MAML3: variants seen among roughly 807,000 people sequenced by gnomAD.
The protein encoded by MAML3 is mastermind-like protein 3.
MAML3 carries 27 observed loss-of-function variants against 101.9 expected under a neutral mutation model. That is an observed-to-expected ratio of 0.27 (90% CI 0.20 to 0.37). MAML3 has a LOEUF of 0.37. Among genes scored for constraint, MAML3 ranks in the 10% least tolerant of loss-of-function variants. The pLI, the probability that MAML3 is intolerant of heterozygous loss-of-function variation, is 1.00. For missense variants in MAML3, 1,316 were observed against 1,444.9 expected, an observed-to-expected ratio of 0.91 and a Z score of 1.45; for synonymous variants, 501 against 555.9, an observed-to-expected ratio of 0.90 and a Z score of 1.39.
intron 1 of MAML3, among the ~76,000 whole-genome samples, chr4:139,930,329 TTG>T (rs1164877801): frequency 6.6e-6 from 1 of 152,036 alleles, no homozygotes; most frequent in African/African-American, 2.4e-5. Context: ...CAGGCAGAGT[TTG>T]TGAGCAGAGT....
intron 1 of MAML3, among the ~76,000 whole-genome samples, chr4:140,045,097 T>TA (rs1727160099): frequency 6.6e-6 from 1 of 152,306 alleles, no homozygotes. Context: ...TAATGTATTT[T>TA]TAAAAAACAG....
rs28412088 is a variant in MAML3, at chr4:139,852,479, C to G, written c.2079+36878G>C. On this transcript the variant is annotated intron_variant, in intron 2 of 4. Coordinates refer to ENST00000509479, the MANE Select transcript of MAML3 (RefSeq NM_018717.5). ...CCAGGCTAGAGTGCAGTGGTGAGAT[C>G]TTGGCTCACTGCAACCTCTGCTTCC... Among the ~76,000 whole-genome samples the G allele has an allele frequency of 2.9e-3, 352 of 122,384 alleles. No individual in the cohort carries two copies. In the Middle Eastern group the frequency reaches 0.036, roughly 13 times the overall value. 80.3% of individuals were successfully genotyped at this position (122,384 alleles called of 152,430 possible).
intron 2 of MAML3, among the ~76,000 whole-genome samples, chr4:139,739,413 C>CT (rs1333657573): frequency 4.6e-5 from 7 of 152,184 alleles, no homozygotes; most frequent in Admixed American, 4.6e-4. Context: ...GGAAACACAA[C>CT]TTTGAGAGTT....
chr4:139,845,291 G>T (rs183836092), intron 2 of MAML3, among the ~76,000 whole-genome samples: 1 of 152,280 alleles, frequency 6.6e-6, no homozygotes, highest in East Asian at 1.9e-4. Context: ...ATTAGACAGA[G>T]TACACAGAAG....
At chr4:140,047,122 C>T (rs1216418297) in intron 1 of MAML3, among the ~76,000 whole-genome samples, 2 of 151,588 alleles carry the variant, frequency 1.3e-5, no homozygotes, top group African/African-American at 4.9e-5. Context: ...AAGATTTCCA[C>T]AGGGAGAGAT....
chr4:139,828,068 G>A (rs1375262053), intron 2 of MAML3, among the ~76,000 whole-genome samples: 2 of 152,170 alleles, frequency 1.3e-5, no homozygotes, highest in African/African-American at 4.8e-5. Flanking sequence ...CACATAGTAG[G>A]GATTTAAAAG....
chr4:139,831,430 C>T (rs562514932), intron 2 of MAML3, among the ~76,000 whole-genome samples: 24 of 152,184 alleles, frequency 1.6e-4, no homozygotes, highest in Non-Finnish European at 3.4e-4. Flanking sequence ...ACCCAAGATC[C>T]CAGTTAGAGA....
chr4:139,886,905 C>T (rs1004846772), intron 2 of MAML3, among the ~76,000 whole-genome samples: 1 of 152,070 alleles, frequency 6.6e-6, no homozygotes, highest in Non-Finnish European at 1.5e-5. Context: ...TACAAATGTT[C>T]CAAATAAGTA....
At chr4:139,953,500 C>T (rs1733865302) in intron 1 of MAML3, among the ~76,000 whole-genome samples, 1 of 152,178 alleles carries the variant, frequency 6.6e-6, no homozygotes, top group Non-Finnish European at 1.5e-5. Flanking sequence ...GTGGCAGGTG[C>T]CTGTAATCCC....
intron 2 of MAML3, among the ~76,000 whole-genome samples, chr4:139,838,999 TA>T (rs1045398302): frequency 1.9e-4 from 29 of 152,264 alleles, no homozygotes; most frequent in African/African-American, 6.7e-4. Context: ...ACATTTACCC[TA>T]AAAAATTCAG....
At position 140,065,030 on chromosome 4, in the gene MAML3, A is replaced by T. The variant is rs182242222; in HGVS notation, c.468+87830T>A. 3.2e-3 allele frequency among the ~76,000 whole-genome samples: 491 copies of T among 152,296 alleles called. 1 individual carries two copies. The highest frequency in any genetic ancestry group is 0.011 in the African/African-American group (446 of 41,562). On this transcript the variant is annotated intron_variant, in intron 1 of 4. Coordinates refer to ENST00000509479, the MANE Select transcript of MAML3 (RefSeq NM_018717.5). ...AAACAGAGATGACATTTTTCTAATC[A>T]CCACCAGTCAGTCTGGATTGAGGTC... is the stretch of plus-strand genomic sequence containing the variant.
chr4:139,973,053 G>C (rs1734258580), intron 1 of MAML3, among the ~76,000 whole-genome samples: 1 of 152,148 alleles, frequency 6.6e-6, no homozygotes, highest in Non-Finnish European at 1.5e-5. Flanking sequence ...TCTTGGATTT[G>C]TGACCACTGA....
At chr4:140,118,054 A>G (rs1438922788) in intron 1 of MAML3, among the ~76,000 whole-genome samples, 2 of 152,152 alleles carry the variant, frequency 1.3e-5, no homozygotes, top group African/African-American at 2.4e-5. Context: ...GAGAATCATG[A>G]CACCCACAGC....
chr4:139,842,449 G>A (rs1381224191), intron 2 of MAML3, among the ~76,000 whole-genome samples: 2 of 152,156 alleles, frequency 1.3e-5, no homozygotes, highest in African/African-American at 4.8e-5. Context: ...CACGTTTACT[G>A]CATTCATGAG....
chr4:140,081,306 C>T (rs1241666773), intron 1 of MAML3, among the ~76,000 whole-genome samples: 1 of 151,836 alleles, frequency 6.6e-6, no homozygotes, highest in Non-Finnish European at 1.5e-5. Context: ...TGTAAACACA[C>T]ATCTACAACC....
At chr4:140,099,728 T>A (rs1728224521) in intron 1 of MAML3, among the ~76,000 whole-genome samples, 1 of 152,184 alleles carries the variant, frequency 6.6e-6, no homozygotes, top group Non-Finnish European at 1.5e-5. Flanking sequence ...TGTTTGGCAA[T>A]CAGAAAGTTA....
At chr4:139,814,835 C>T (rs909668986) in intron 2 of MAML3, among the ~76,000 whole-genome samples, 10 of 152,220 alleles carry the variant, frequency 6.6e-5, no homozygotes, top group African/African-American at 2.4e-4. Context: ...TTCCTTCCCA[C>T]ACCCAGTAAA....
chr4:139,855,611 G>C (rs1444817981), intron 2 of MAML3, among the ~76,000 whole-genome samples: 1 of 152,158 alleles, frequency 6.6e-6, no homozygotes, highest in Non-Finnish European at 1.5e-5. Context: ...ATTCTGAAAA[G>C]GATGTTTGAT....
At chr4:139,956,856 G>A (rs1043152512) in intron 1 of MAML3, among the ~76,000 whole-genome samples, 12 of 152,172 alleles carry the variant, frequency 7.9e-5, no homozygotes, top group African/African-American at 2.9e-4. Context: ...ACTCTGCTTC[G>A]AACCCAGGAG....
Sources: gnomAD v4.1 joint callset for allele counts (sites outside exome capture counted in the v4.1 genomes callset) on GRCh38, gnomAD v4.1.1 for gene constraint, MANE v1.5 for transcripts, NCBI Gene and HGNC (gene_info 2026-07-23, HGNC 2026-07-21) for gene names.